SGK3: variants seen among roughly 807,000 people sequenced by gnomAD.
SGK3 encodes the protein serum/glucocorticoid regulated kinase family member 3, also known as serine/threonine-protein kinase Sgk3.
Under a neutral mutation model 68.5 loss-of-function variants are expected in SGK3, and 47 were observed. The observed-to-expected ratio is 0.69, with a 90% CI of 0.54 to 0.87. The LOEUF is 0.87. Ranked by LOEUF, SGK3 falls within the 40% of genes least tolerant of loss-of-function variation. SGK3 has a pLI of 0.00. For missense variants in SGK3, 479 were observed against 575.5 expected, an observed-to-expected ratio of 0.83 and a Z score of 1.72; for synonymous variants, 181 against 189.1, an observed-to-expected ratio of 0.96 and a Z score of 0.35.
intron 1 of SGK3, among the ~76,000 whole-genome samples, chr8:66,750,827 A>G (rs1179584977): frequency 1.3e-5 from 2 of 151,590 alleles, no homozygotes; most frequent in African/African-American, 4.9e-5. Flanking sequence ...CAACATGGCA[A>G]AACCCCATCT....
chr8:66,835,571 C>T (rs1809488187), intron 8 of SGK3, among the ~76,000 whole-genome samples, 192 bp from the exon 9 acceptor site: 1 of 152,056 alleles, frequency 6.6e-6, no homozygotes, highest in South Asian at 2.1e-4. Context: ...TTTAAAAAAT[C>T]TCAAATATCA....
At chr8:66,724,736 T>G (rs1220266660) in intron 1 of SGK3, among the ~76,000 whole-genome samples, 1 of 152,226 alleles carries the variant, frequency 6.6e-6, no homozygotes, top group African/African-American at 2.4e-5. Context: ...TGCTACCTTT[T>G]GTGTAGAAAG....
intron 1 of SGK3, among the ~76,000 whole-genome samples, chr8:66,771,731 G>T (rs1039262246): frequency 4.6e-5 from 7 of 152,120 alleles, no homozygotes; most frequent in Non-Finnish European, 1.0e-4. Flanking sequence ...GAGAGAGAGG[G>T]CTTAAGGAAA....
At chr8:66,843,718 G>C (rs940272993) in intron 14 of SGK3, among the ~76,000 whole-genome samples, 171 bp downstream of exon 14, 1 of 152,174 alleles carries the variant, frequency 6.6e-6, no homozygotes, top group Admixed American at 6.5e-5. Context: ...AAGAGGCTGG[G>C]CATGGTGGCT....
chr8:66,859,630 A>T lies in SGK3; in HGVS notation c.*49A>T. On this transcript the variant is annotated 3_prime_UTR_variant, in exon 17 of 17. Coordinates refer to ENST00000521198, the MANE Select transcript of SGK3 (RefSeq NM_001033578.3). ...TGAGCAAAATAAGTCTATAGATGGG[A>T]CTGAAACTTCTATTTGTGTGAATAT... 6.5e-7 allele frequency: 1 copy of T among 1,531,206 alleles called. No homozygotes were observed. The highest frequency in any genetic ancestry group is 1.4e-5 in the African/African-American group (1 of 73,438). 94.9% of individuals were successfully genotyped at this position (1,531,206 alleles called of 1,614,324 possible).
At chr8:66,751,918 A>G (rs1805829650) in intron 1 of SGK3, among the ~76,000 whole-genome samples, 1 of 152,014 alleles carries the variant, frequency 6.6e-6, no homozygotes, top group African/African-American at 2.4e-5. Flanking sequence ...GGCATAAGCC[A>G]CCACAGCCGG....
At chr8:66,846,136 A>G (rs1810003928) in intron 14 of SGK3, among the ~76,000 whole-genome samples, 1 of 152,116 alleles carries the variant, frequency 6.6e-6, no homozygotes, top group Admixed American at 6.6e-5. Context: ...AACATTTTAC[A>G]TGGTAATTCC....
At chr8:66,722,659 T>C (rs1804828360) in intron 1 of SGK3, among the ~76,000 whole-genome samples, 1 of 152,246 alleles carries the variant, frequency 6.6e-6, no homozygotes, top group Non-Finnish European at 1.5e-5. Context: ...ATCATTTACC[T>C]ATTTAAACTG....
intron 16 of SGK3, among the ~76,000 whole-genome samples, chr8:66,857,052 C>T (rs189201211): frequency 1.0e-3 from 152 of 152,150 alleles, no homozygotes; most frequent in African/African-American, 3.4e-3. Context: ...AAGATCACGC[C>T]ACTGCACTCT....
At chr8:66,753,657 T>C (rs1340911268) in intron 1 of SGK3, among the ~76,000 whole-genome samples, 2 of 152,090 alleles carry the variant, frequency 1.3e-5, no homozygotes, top group Non-Finnish European at 2.9e-5. Flanking sequence ...AAACCCCGTC[T>C]CTACTAAAAA....
intron 1 of SGK3, among the ~76,000 whole-genome samples, chr8:66,714,880 G>A (rs987046366): frequency 6.6e-6 from 1 of 152,202 alleles, no homozygotes; most frequent in African/African-American, 2.4e-5. Context: ...CTTGAATGGA[G>A]GGCAGGTGTG....
intron 1 of SGK3, among the ~76,000 whole-genome samples, chr8:66,783,644 AG>A (rs1283140734): frequency 6.6e-6 from 1 of 152,138 alleles, no homozygotes; most frequent in African/African-American, 2.4e-5. Context: ...CAGCCTCCCG[AG>A]TAGCTGAGAT....
In SGK3 at chr8:66,859,899, A is replaced by G. The variant is rs77572541; in HGVS notation, c.*318A>G. On this transcript the variant is annotated 3_prime_UTR_variant, in exon 17 of 17. Coordinates refer to ENST00000521198, the MANE Select transcript of SGK3 (RefSeq NM_001033578.3). ...TTTTTCCCTCTAAGTTTACACTAAC[A>G]TCTACCCAAGATAGACTGTTTTTTA... 0.018 allele frequency: 3,781 copies of G among 204,656 alleles called. 160 individuals are homozygous for G. The highest frequency in any genetic ancestry group is 0.082 in the African/African-American group (3,527 of 43,236). 12.7% of individuals were successfully genotyped at this position (204,656 alleles called of 1,614,324 possible).
chr8:66,726,667 G>A (rs552060474), intron 1 of SGK3, among the ~76,000 whole-genome samples: 50 of 152,058 alleles, frequency 3.3e-4, no homozygotes, highest in African/African-American at 1.1e-3. Flanking sequence ...TGGGTGTGGT[G>A]ACATGTGACT....
intron 14 of SGK3, among the ~76,000 whole-genome samples, chr8:66,845,288 A>G (rs144414993): frequency 5.3e-5 from 8 of 152,262 alleles, no homozygotes; most frequent in African/African-American, 1.9e-4. Context: ...AATCCCAGAT[A>G]CTTGGGAGGC....
chr8:66,794,482 A>C (rs1272281486), intron 2 of SGK3, among the ~76,000 whole-genome samples: 4 of 151,938 alleles, frequency 2.6e-5, no homozygotes, highest in Admixed American at 2.0e-4. Context: ...TCCCCCTGAA[A>C]AAAAAAAAGC....
rs765445570 is a variant in SGK3 at position 66,835,950 on chromosome 8, A to G, written c.617A>G (p.His206Arg). 1.2e-6 allele frequency: 2 copies of G among 1,613,368 alleles called. No individual in the cohort carries two copies. Among genetic ancestry groups the G allele is most frequent in the South Asian group, 1.1e-5 (1 of 90,984 alleles). ...KIVLNRKEQK[H>R]IMAERNVLLK... Reference sequence around the variant, plus strand: ...CTTTTGCCTTTTTTCCAGCAAAAACATATTATGGCTGAACGTAATGTGCTC... The same window carrying G: ...CTTTTGCCTTTTTTCCAGCAAAAACGTATTATGGCTGAACGTAATGTGCTC... The change falls in exon 10 of 17, where the codon CAT (histidine) becomes CGT (arginine). Residue 206 changes from histidine (H) to arginine (R), a missense_variant. Coordinates refer to ENST00000521198, the MANE Select transcript of SGK3 (RefSeq NM_001033578.3).
intron 1 of SGK3, among the ~76,000 whole-genome samples, chr8:66,732,831 T>A (rs1805206998): frequency 6.6e-6 from 1 of 152,120 alleles, no homozygotes; most frequent in South Asian, 2.1e-4. Flanking sequence ...GGCAACAGAC[T>A]GAGAGAGACC....
Position 66,744,495 on chromosome 8 carries a change from ATATATATATATATATATATATATATTT to A in SGK3, c.-122+31664_-122+31690del, listed in dbSNP as rs1488166202. On this transcript the variant is annotated intron_variant, in intron 1 of 16. Transcript: ENST00000521198. ...TATGTGTGTGTGTGTATATATATAT[ATATATATATATATATATATATATATTT>A]TTTTTTTTTTTTTTTTTTTTTTTAG... Among the ~76,000 whole-genome samples the A allele has an allele frequency of 3.1e-3, 56 of 18,090 alleles. 1 individual carries two copies. The highest frequency in any genetic ancestry group is 9.7e-3 in the South Asian group (6 of 618). The allele number at this position is 18,090 out of a possible 152,430, so 11.9% of individuals were successfully genotyped here.
Sources: allele counts gnomAD v4.1 joint callset (sites outside exome capture counted in the v4.1 genomes callset), GRCh38; gene constraint gnomAD v4.1.1; transcripts MANE v1.5; gene names NCBI Gene and HGNC (gene_info 2026-07-23, HGNC 2026-07-21).